The following VWC2 variants were observed in gnomAD, a reference collection of about 807,000 sequenced individuals.
VWC2 encodes the protein brorin.
In VWC2, 14 loss-of-function variants were observed where a neutral mutation model predicts 29.8. The observed-to-expected ratio is 0.47, with a 90% CI of 0.31 to 0.74. The LOEUF is 0.74. Ranked by LOEUF, VWC2 falls within the 30% of genes least tolerant of loss-of-function variation. The probability of loss-of-function intolerance (pLI) is 0.05; values close to 1 mark genes in which losing one functional copy is unlikely to be tolerated. For missense variants in VWC2, 457 were observed against 459.8 expected, an observed-to-expected ratio of 0.99 and a Z score of 0.05; for synonymous variants, 213 against 199.0, an observed-to-expected ratio of 1.07 and a Z score of -0.59.
chr7:49,831,018 T>A (rs934105363), intron 3 of VWC2, among the ~76,000 whole-genome samples: 1 of 152,178 alleles, frequency 6.6e-6, no homozygotes, highest in African/African-American at 2.4e-5. Context: ...AGTTTGTTAA[T>A]TACCCAGCCT....
intron 2 of VWC2, among the ~76,000 whole-genome samples, chr7:49,781,265 G>C (rs1029618236): frequency 2.6e-5 from 4 of 151,822 alleles, no homozygotes; most frequent in Non-Finnish European, 5.9e-5. Context: ...TTTTAAAGAG[G>C]GAGTCATATG....
rs1048121203 is a variant in VWC2 at position 49,773,825 on chromosome 7, G to A, written c.-392G>A. 2.0e-5 allele frequency: 3 copies of A among 152,464 alleles called. No individual in the cohort carries two copies. The highest frequency in any genetic ancestry group is 7.2e-5 in the African/African-American group (3 of 41,462). The allele number at this position is 152,464 out of a possible 1,614,324, so 9.4% of individuals were successfully genotyped here. A position where few individuals can be genotyped will look rare whatever the true frequency, so the allele number is the denominator to read the frequency against. ...CCCCCGGGGCGCGCTTGGTCTCGGAGAAGCGGGGACGAGGCCGGAGGATGA... is the reference window on the plus strand; with the variant it reads ...CCCCCGGGGCGCGCTTGGTCTCGGAAAAGCGGGGACGAGGCCGGAGGATGA... On this transcript the variant is annotated 5_prime_UTR_variant, in exon 1 of 4. Coordinates refer to ENST00000340652, the MANE Select transcript of VWC2 (RefSeq NM_198570.5).
In VWC2 at chr7:49,775,403, C is replaced by CGAGGAGGGG; in HGVS notation, c.-33_-32insGAGGAGGGG. ...TGCGACTCGCCCCTCGGCCGCGCTCCCCGCCCGCCCGCCCGCCGGGACGTG... is the reference window on the plus strand; with the variant it reads ...TGCGACTCGCCCCTCGGCCGCGCTCCGAGGAGGGGCCGCCCGCCCGCCCGCCGGGACGTG... On this transcript the variant is annotated 5_prime_UTR_variant, in exon 2 of 4. Coordinates refer to ENST00000340652, the MANE Select transcript of VWC2 (RefSeq NM_198570.5). 2 of 868,924 alleles carry CGAGGAGGGG rather than the reference C, an allele frequency of 2.3e-6. No individual in the cohort carries two copies. Among genetic ancestry groups the CGAGGAGGGG allele is most frequent in the Non-Finnish European group, 3.1e-6 (2 of 650,720 alleles). The allele number at this position is 868,924 out of a possible 1,614,324, so 53.8% of individuals were successfully genotyped here. A position where few individuals can be genotyped will look rare whatever the true frequency, so the allele number is the denominator to read the frequency against.
At chr7:49,868,285 G>A (rs1191549514) in intron 3 of VWC2, among the ~76,000 whole-genome samples, 1 of 152,166 alleles carries the variant, frequency 6.6e-6, no homozygotes, top group African/African-American at 2.4e-5. Context: ...AATATACGCT[G>A]TTTCTTTTAA....
At chr7:49,875,542 C>A (rs889402123) in intron 3 of VWC2, among the ~76,000 whole-genome samples, 5 of 151,718 alleles carry the variant, frequency 3.3e-5, no homozygotes, top group Non-Finnish European at 7.4e-5. Context: ...TGGCTGGAGT[C>A]CTTTTGCATG....
At chr7:49,889,158 C>T (rs1488377114) in intron 3 of VWC2, among the ~76,000 whole-genome samples, 1 of 152,188 alleles carries the variant, frequency 6.6e-6, no homozygotes, top group Non-Finnish European at 1.5e-5. Context: ...TTCTGAGTCA[C>T]ATCACATTCA....
intron 3 of VWC2, among the ~76,000 whole-genome samples, chr7:49,863,471 C>T (rs939081732): frequency 1.3e-5 from 2 of 152,050 alleles, no homozygotes; most frequent in African/African-American, 2.4e-5. Flanking sequence ...CTCACTCTGT[C>T]ACACAGGCTG....
At chr7:49,809,597 G>T (rs1788954057) in intron 3 of VWC2, among the ~76,000 whole-genome samples, 1 of 151,900 alleles carries the variant, frequency 6.6e-6, no homozygotes, top group Non-Finnish European at 1.5e-5. Flanking sequence ...TTTATTTCAT[G>T]AACATAAATG....
At chr7:49,858,059 G>T (rs1044152752) in intron 3 of VWC2, among the ~76,000 whole-genome samples, 4 of 152,148 alleles carry the variant, frequency 2.6e-5, no homozygotes, top group African/African-American at 9.7e-5. Context: ...CTAGATCCCT[G>T]AGGAATCACC....
At chr7:49,863,083 C>T (rs1349383498) in intron 3 of VWC2, among the ~76,000 whole-genome samples, 2 of 152,162 alleles carry the variant, frequency 1.3e-5, no homozygotes, top group African/African-American at 2.4e-5. Context: ...ACCAGTGAAA[C>T]CATCTGGTCC....
intron 3 of VWC2, among the ~76,000 whole-genome samples, chr7:49,905,926 T>G (rs1401985822): frequency 6.6e-6 from 1 of 152,204 alleles, no homozygotes; most frequent in Non-Finnish European, 1.5e-5. Context: ...CATGACAGTT[T>G]ACAAATGCCA....
chr7:49,833,832 C>G (rs926139599), intron 3 of VWC2, among the ~76,000 whole-genome samples: 4 of 152,054 alleles, frequency 2.6e-5, no homozygotes, highest in Non-Finnish European at 5.9e-5. Flanking sequence ...AACTTACCAT[C>G]GTAACTTATA....
intron 3 of VWC2, among the ~76,000 whole-genome samples, chr7:49,876,324 G>C (rs532686257): frequency 6.6e-5 from 10 of 152,216 alleles, no homozygotes; most frequent in African/African-American, 2.2e-4. Flanking sequence ...TCATTTAAAA[G>C]ACCCAATTTT....
chr7:49,839,258 CAATAT>C (rs1789739409), intron 3 of VWC2, among the ~76,000 whole-genome samples: 1 of 152,152 alleles, frequency 6.6e-6, no homozygotes. Context: ...ATGGCAGCAC[CAATAT>C]AAGAATGAAA....
At chr7:49,821,819 A>G (rs1247033451) in intron 3 of VWC2, among the ~76,000 whole-genome samples, 2 of 152,238 alleles carry the variant, frequency 1.3e-5, no homozygotes, top group Non-Finnish European at 1.5e-5. Context: ...GCAGAGTGTC[A>G]TAAAAACCAT....
intron 3 of VWC2, among the ~76,000 whole-genome samples, chr7:49,871,924 C>CACAG (rs1791170427): frequency 8.9e-6 from 1 of 111,832 alleles, no homozygotes; most frequent in African/African-American, 4.0e-5. Context: ...CACACACACA[C>CACAG]ACACACACAC....
intron 3 of VWC2, among the ~76,000 whole-genome samples, chr7:49,874,202 A>T (rs1791299089): frequency 6.6e-6 from 1 of 152,104 alleles, no homozygotes; most frequent in Non-Finnish European, 1.5e-5. Flanking sequence ...ACACACAGTC[A>T]TGTGCCTCAT....
chr7:49,794,315 T>C (rs971063935), intron 2 of VWC2, among the ~76,000 whole-genome samples: 6 of 152,238 alleles, frequency 3.9e-5, no homozygotes, highest in African/African-American at 1.4e-4. Context: ...TTTAATGAGA[T>C]GGAACGTTCT....
chr7:49,881,952 C>A (rs1186446087), intron 3 of VWC2, among the ~76,000 whole-genome samples: 1 of 151,214 alleles, frequency 6.6e-6, no homozygotes, highest in Non-Finnish European at 1.5e-5. Context: ...TTAAATTTGT[C>A]TTGAAAATAA....
Sources: gnomAD v4.1 joint callset for allele counts (sites outside exome capture counted in the v4.1 genomes callset) on GRCh38, gnomAD v4.1.1 for gene constraint, MANE v1.5 for transcripts, NCBI Gene and HGNC (gene_info 2026-07-23, HGNC 2026-07-21) for gene names.